Variants in AFDN observed in about 807,000 individuals in gnomAD.
The protein encoded by AFDN is afadin, adherens junction formation factor.
In AFDN, 68 loss-of-function variants were observed where a neutral mutation model predicts 216.6. That is an observed-to-expected ratio of 0.31 (90% CI 0.26 to 0.38). AFDN has a LOEUF of 0.38. Ranked by LOEUF, AFDN falls within the 10% of genes least tolerant of loss-of-function variation. The pLI is 1.00. For synonymous variants in AFDN, 868 were observed against 853.7 expected, an observed-to-expected ratio of 1.02 and a Z score of -0.29; for missense variants, 2,136 against 2,342.0, an observed-to-expected ratio of 0.91 and a Z score of 1.82.
chr6:167,892,442 T>C (rs1479021841), intron 8 of AFDN, among the ~76,000 whole-genome samples: 1 of 152,232 alleles, frequency 6.6e-6, no homozygotes, highest in Non-Finnish European at 1.5e-5. Context: ...GTATTGGGTC[T>C]GCCCTTTAAA....
chr6:167,837,623 A>G (rs1231277952), intron 1 of AFDN, among the ~76,000 whole-genome samples: 2 of 152,158 alleles, frequency 1.3e-5, no homozygotes, highest in African/African-American at 4.8e-5. Context: ...TGCTTTGTGT[A>G]TGTTATCTTT....
At chr6:167,959,500 A>C (rs993345809) in intron 30 of AFDN, among the ~76,000 whole-genome samples, 3 of 152,162 alleles carry the variant, frequency 2.0e-5, no homozygotes, top group Non-Finnish European at 4.4e-5. Context: ...TTTGTCCCTA[A>C]AATTTTTTTA....
chr6:167,931,676 G>T (rs778671875), intron 23 of AFDN, among the ~76,000 whole-genome samples: 1 of 152,086 alleles, frequency 6.6e-6, no homozygotes, highest in African/African-American at 2.4e-5. Context: ...AGATAACACT[G>T]TATAGTTGAT....
At chr6:167,853,298 A>T (rs1782520057) in intron 1 of AFDN, among the ~76,000 whole-genome samples, 1 of 152,234 alleles carries the variant, frequency 6.6e-6, no homozygotes, top group South Asian at 2.1e-4. Context: ...TGTATCATAT[A>T]GTTATTATTA....
intron 23 of AFDN, among the ~76,000 whole-genome samples, chr6:167,925,622 C>T (rs1163906695): frequency 1.3e-5 from 2 of 152,168 alleles, no homozygotes; most frequent in African/African-American, 4.8e-5. Context: ...TTATATAGTT[C>T]TGATAGGTGT....
rs1329136392 is a variant in AFDN, at chr6:167,943,505, G to A, written c.3239+30G>A. On this transcript the variant is annotated intron_variant, in intron 25 of 33. Transcript: ENST00000683244. ...CATTGATTTATTTGCTTGAAGCATA[G>A]TATTAGCATTTTTAGGTGATTTTTG... 7 of 1,559,552 alleles carry A rather than the reference G, an allele frequency of 4.5e-6. No individual in the cohort carries two copies. The Admixed American group carries it at 1.2e-4, about 26-fold the overall frequency.
chr6:167,860,539 C>T (rs1783443706), intron 1 of AFDN, among the ~76,000 whole-genome samples: 1 of 152,156 alleles, frequency 6.6e-6, no homozygotes, highest in Admixed American at 6.5e-5. Flanking sequence ...TGTGAGGTAG[C>T]ATGAGTTGCT....
At chr6:167,944,795 G>T (rs1481085503) in intron 26 of AFDN, among the ~76,000 whole-genome samples, 1 of 151,596 alleles carries the variant, frequency 6.6e-6, no homozygotes, top group Non-Finnish European at 1.5e-5. Context: ...AAAAAAAAAA[G>T]TGGAAGAGTA....
chr6:167,864,065 A>G (rs2128226684), intron 1 of AFDN, among the ~76,000 whole-genome samples: 1 of 152,242 alleles, frequency 6.6e-6, no homozygotes, highest in African/African-American at 2.4e-5. Context: ...TGACCCTTGG[A>G]GCTGGAAAGG....
intron 29 of AFDN, among the ~76,000 whole-genome samples, chr6:167,950,677 C>T (rs1795870137): frequency 6.6e-6 from 1 of 152,012 alleles, no homozygotes; most frequent in South Asian, 2.1e-4. Flanking sequence ...TAGAGAAGTA[C>T]CTGTTGTTGA....
intron 1 of AFDN, among the ~76,000 whole-genome samples, chr6:167,828,157 G>C (rs1779413616): frequency 6.6e-6 from 1 of 152,106 alleles, no homozygotes; most frequent in Non-Finnish European, 1.5e-5. Flanking sequence ...CTCAATATTT[G>C]TGCCCGTTTA....
chr6:167,967,629 T>TC (rs1797693558), intron 32 of AFDN, among the ~76,000 whole-genome samples: 1 of 152,136 alleles, frequency 6.6e-6, no homozygotes, highest in African/African-American at 2.4e-5. Flanking sequence ...TAATGAGGTG[T>TC]CACTACTCAC....
rs1422529912 is a variant in AFDN, at chr6:167,943,189, G to C, written c.3160G>C (p.Asp1054His). 2 of 1,613,258 alleles carry C rather than the reference G, an allele frequency of 1.2e-6. No individual in the cohort carries two copies. The highest frequency in any genetic ancestry group is 1.7e-6 in the Non-Finnish European group (2 of 1,179,350). The change falls in exon 24 of 34, where the codon GAT becomes CAT. Residue 1054 changes from aspartate (D) to histidine (H), a missense_variant. Around this residue, in one of 8 missense-constraint regions of AFDN, gnomAD observed 74 missense variants for 98.8 expected, o/e 0.75. Coordinates refer to ENST00000683244, the MANE Select transcript of AFDN (RefSeq NM_001386888.1). ...GTCGGTTGTGAAAGGAGGTGCTGCA[G>C]ATGTGGTCAGTATCATTTTGAAAGA... Reference protein sequence around the residue: ...VKSVVKGGAADVDGRLAAGDQ... With the variant: ...VKSVVKGGAAHVDGRLAAGDQ...
At chr6:167,908,801 A>G (rs982999711) in intron 13 of AFDN, among the ~76,000 whole-genome samples, 5 of 152,136 alleles carry the variant, frequency 3.3e-5, no homozygotes, top group Admixed American at 6.5e-5. Flanking sequence ...TTTTGTTGCT[A>G]TTACTACAAT....
intron 5 of AFDN, 143 bp downstream of exon 5, chr6:167,875,638 C>T: frequency 1.2e-6 from 1 of 824,682 alleles, no homozygotes; most frequent in Non-Finnish European, 1.9e-6. Context: ...ACTTCTGGTA[C>T]AAAATCAGCC....
chr6:167,866,541 G>A (rs141575253), intron 2 of AFDN, among the ~76,000 whole-genome samples: 1 of 152,292 alleles, frequency 6.6e-6, no homozygotes, highest in Non-Finnish European at 1.5e-5. Context: ...GTAGATGTTT[G>A]AAAAATAGTA....
intron 1 of AFDN, among the ~76,000 whole-genome samples, chr6:167,854,117 A>G (rs1449520250): frequency 6.6e-6 from 1 of 151,748 alleles, no homozygotes; most frequent in Non-Finnish European, 1.5e-5. Flanking sequence ...AAACCTTCAG[A>G]TTTTTGCCAA....
At chr6:167,845,510 G>C (rs1781567632) in intron 1 of AFDN, among the ~76,000 whole-genome samples, 1 of 151,992 alleles carries the variant, frequency 6.6e-6, no homozygotes, top group South Asian at 2.1e-4. Flanking sequence ...CGATTCTCCT[G>C]CCTCAGTCTC....
Position 167,916,595 on chromosome 6 carries a change from G to A in AFDN, c.2566-494G>A, listed in dbSNP as rs190088849. Reference sequence around the variant, plus strand: ...TTTTTTAGATATGAAAAACTAGGAGGTGATGTTTTGCAATTAACGAAATGA... The same window carrying A: ...TTTTTTAGATATGAAAAACTAGGAGATGATGTTTTGCAATTAACGAAATGA... On this transcript the variant is annotated intron_variant, in intron 19 of 33. Coordinates refer to ENST00000683244, the MANE Select transcript of AFDN (RefSeq NM_001386888.1). 3.3e-5 allele frequency among the ~76,000 whole-genome samples: 5 copies of A among 152,206 alleles called. No individual in the cohort carries two copies. The East Asian group carries it at 7.7e-4, about 23-fold the overall frequency.
Sources: gnomAD v4.1 joint callset for allele counts (sites outside exome capture counted in the v4.1 genomes callset) on GRCh38, gnomAD v4.1.1 for gene constraint, gnomAD v4.1.1 regional missense constraint, MANE v1.5 for transcripts, NCBI Gene and HGNC (gene_info 2026-07-23, HGNC 2026-07-21) for gene names.